Variants in ADGRD2 observed in about 807,000 individuals in gnomAD.
ADGRD2 encodes G protein-coupled receptor PGR24.
ADGRD2 carries 71 observed loss-of-function variants against 44.4 expected under a neutral mutation model. That is an observed-to-expected ratio of 1.60 (90% CI 1.32 to 1.95). The LOEUF (loss-of-function observed/expected upper bound fraction) is 1.95. ADGRD2 is among the 30% of genes most tolerant of loss of function. ADGRD2 has a pLI of 0.00. For synonymous variants in ADGRD2, 481 were observed against 224.8 expected (o/e 2.14, Z -10.19); for missense variants, 1,039 against 512.4 (o/e 2.03, Z -9.92).
At chr9:124,470,185 G>A (rs764240397) in intron 16 of ADGRD2, among the ~76,000 whole-genome samples, 22 of 152,140 alleles carry the variant, frequency 1.4e-4, no homozygotes, top group Non-Finnish European at 3.1e-4. Flanking sequence ...CATCCCTGCT[G>A]GTCCCACTGC....
chr9:124,453,730 G>T (rs944709113), intron 3 of ADGRD2, 54 bp downstream of exon 6: 156 of 420,468 alleles, frequency 3.7e-4, no homozygotes, highest in Non-Finnish European at 5.4e-4. Flanking sequence ...CTTCCCTTCC[G>T]ACCCTGGAAC....
chr9:124,468,486 C>A, intron 13 of ADGRD2, 33 bp from the exon 17 acceptor site: 2 of 717,770 alleles, frequency 2.8e-6, no homozygotes, highest in Non-Finnish European at 5.2e-6. Flanking sequence ...CGTCTGACCT[C>A]GGACCTGGGT....
intron 21 of ADGRD2, chr9:124,477,123 C>T (rs552951839): frequency 4.2e-6 from 2 of 479,618 alleles, no homozygotes; most frequent in African/African-American, 2.0e-5. Context: ...CAGAGCCTTC[C>T]AAACCCGCTG....
intron 17 of ADGRD2, among the ~76,000 whole-genome samples, chr9:124,474,837 G>T (rs1194901794): frequency 6.6e-6 from 1 of 152,224 alleles, no homozygotes; most frequent in Non-Finnish European, 1.5e-5. Context: ...GAGACCAAAT[G>T]TGATGGTGCA....
intron 10 of ADGRD2, among the ~76,000 whole-genome samples, chr9:124,462,925 CTCTCTCTCTT>C (rs746020895): frequency 1.3e-5 from 2 of 151,150 alleles, no homozygotes; most frequent in South Asian, 2.1e-4. Flanking sequence ...CTGACTTTCT[CTCTCTCTCTT>C]TCTCTCTCTC....
upstream of ADGRD2, chr9:124,452,000 C>CCT: frequency 2.2e-5 from 7 of 322,338 alleles, no homozygotes; most frequent in Non-Finnish European, 3.0e-5. Context: ...ACTGAATGCC[C>CCT]CCCTCCCACC....
chr9:124,452,451 C>T (rs1831498277), intron 1 of ADGRD2, 59 bp from the exon 5 acceptor site: 1 of 717,124 alleles, frequency 1.4e-6, no homozygotes. Flanking sequence ...TCCGCCCAGC[C>T]CTGGAAGAGT....
chr9:124,452,299 C>T (rs1181842402), intron 1 of ADGRD2, 145 bp downstream of exon 4: 2 of 634,214 alleles, frequency 3.2e-6, no homozygotes, highest in Middle Eastern at 2.6e-4. Flanking sequence ...CTGCGAGGAA[C>T]GCTTCACTGG....
At chr9:124,456,586 A>G (rs1229387800) in intron 6 of ADGRD2, 36 bp from the exon 10 acceptor site, 12 of 717,328 alleles carry the variant, frequency 1.7e-5, no homozygotes, top group Non-Finnish European at 3.1e-5. Flanking sequence ...TGGGGTGCAG[A>G]GTGTGACAGA....
intron 17 of ADGRD2, among the ~76,000 whole-genome samples, chr9:124,473,768 C>G (rs1195557037): frequency 4.6e-5 from 7 of 152,170 alleles, no homozygotes; most frequent in African/African-American, 9.7e-5. Flanking sequence ...GACAGAGGAA[C>G]AACTCATCGG....
At position 124,454,662 on chromosome 9, in the gene ADGRD2, T is replaced by C. The variant is rs976691894; in HGVS notation, c.1108+93T>C. The stretch of plus-strand genomic sequence containing the variant: ...CTCCCTTGTAAAGGGGACACCCACC[T>C]GGTGTGTCTGCAGGAATAAAGGCCA... On this transcript the variant is annotated intron_variant, in intron 5 of 21. Transcript: ENST00000334810. The surrounding 1 kb of genome is among the most constrained non-coding windows in gnomAD (Gnocchi z 4.5). 1.5e-6 allele frequency: 1 copy of C among 667,946 alleles called. No individual in the cohort carries two copies. Among genetic ancestry groups the C allele is most frequent in the Admixed American group, 2.1e-5 (1 of 47,780 alleles). 41.4% of individuals were successfully genotyped at this position (667,946 alleles called of 1,614,324 possible).
rs140293641 is a variant in ADGRD2, at chr9:124,465,985, G to C, written c.1871-273G>C. On this transcript the variant is annotated intron_variant, in intron 10 of 21. Transcript: ENST00000334810. The stretch of plus-strand genomic sequence containing the variant: ...GGGATTATCCTGGCTCCCTGCCCTG[G>C]ATCTTTAGCTGAGGTAGGGAACCTT... 1.7e-3 allele frequency: 483 copies of C among 282,756 alleles called. 1 individual carries two copies. The highest frequency in any genetic ancestry group is 2.6e-3 in the Non-Finnish European group (398 of 153,300). The allele number at this position is 282,756 out of a possible 1,614,324, so 17.5% of individuals were successfully genotyped here.
chr9:124,472,586 A>T (rs1301778334), intron 17 of ADGRD2, among the ~76,000 whole-genome samples: 1 of 152,016 alleles, frequency 6.6e-6, no homozygotes, highest in Non-Finnish European at 1.5e-5. Flanking sequence ...GGCTCACTGT[A>T]ACCTCTGACT....
intron 10 of ADGRD2, among the ~76,000 whole-genome samples, chr9:124,460,200 A>ATTT (rs749872013): frequency 7.8e-6 from 1 of 128,470 alleles, no homozygotes; most frequent in African/African-American, 2.9e-5. Context: ...CCACGCTCTG[A>ATTT]TTTTTTTTTT....
intron 17 of ADGRD2, among the ~76,000 whole-genome samples, chr9:124,474,211 G>C (rs1354605816): frequency 6.8e-6 from 1 of 146,974 alleles, no homozygotes; most frequent in Non-Finnish European, 1.5e-5. Context: ...GGAGTTGGAG[G>C]TTGCAGTGAG....
chr9:124,452,410 C>A, intron 1 of ADGRD2, 100 bp from the exon 5 acceptor site: 3 of 703,822 alleles, frequency 4.3e-6, no homozygotes, highest in East Asian at 2.7e-5. Context: ...CCCCATCCAG[C>A]CCGAATGACT....
intron 7 of ADGRD2, among the ~76,000 whole-genome samples, chr9:124,457,144 T>A (rs747155490): frequency 1.4e-4 from 22 of 152,358 alleles, no homozygotes; most frequent in Non-Finnish European, 2.2e-4. Flanking sequence ...AAGTACACAC[T>A]CCGTGAATGT....
chr9:124,467,477 T>A lies in ADGRD2; in HGVS notation c.2027-244T>A. On this transcript the variant is annotated intron_variant, in intron 11 of 21. Coordinates refer to ENST00000334810, the Ensembl canonical transcript of ADGRD2. The stretch of plus-strand genomic sequence containing the variant: ...TGGGCACGTTTGTCAGCACTCTTAG[T>A]AATTGTCCAGTTGGTAGAATCCGGG... The A allele has an allele frequency of 5.8e-6, 3 of 518,510 alleles. No homozygotes were observed. The South Asian group carries it at 8.1e-5, about 14-fold the overall frequency. 32.1% of individuals were successfully genotyped at this position (518,510 alleles called of 1,614,324 possible).
At chr9:124,462,421 T>C (rs573163292) in intron 10 of ADGRD2, among the ~76,000 whole-genome samples, 54 of 152,342 alleles carry the variant, frequency 3.5e-4, no homozygotes, top group African/African-American at 1.3e-3. Flanking sequence ...CATTTCCATA[T>C]AGATTTTAGA....
Sources: gnomAD v4.1 joint callset for allele counts (sites outside exome capture counted in the v4.1 genomes callset) on GRCh38, gnomAD v4.1.1 for gene constraint, Gnocchi (gnomAD v3.1) non-coding constraint, MANE v1.5 for transcripts, NCBI Gene and HGNC (gene_info 2026-07-23, HGNC 2026-07-21) for gene names.